CBLN2: variants seen among roughly 807,000 people sequenced by gnomAD.
CBLN2 encodes the protein cerebellin-2.
Under a neutral mutation model 15.0 loss-of-function variants are expected in CBLN2, and 7 were observed. That is an observed-to-expected ratio of 0.47 (90% CI 0.27 to 0.88). The LOEUF is 0.88. CBLN2 is among the 40% of genes least tolerant of loss of function. The pLI is 0.14. For synonymous variants in CBLN2, 149 were observed against 135.2 expected (o/e 1.10, Z -0.71); for missense variants, 242 against 304.5 (o/e 0.79, Z 1.53).
At chr18:72,592,327 G>A (rs2069485119) in intron 1 of CBLN2, among the ~76,000 whole-genome samples, 1 of 151,252 alleles carries the variant, frequency 6.6e-6, no homozygotes, top group South Asian at 2.1e-4. Flanking sequence ...CCAGATCTTT[G>A]GCCCATTTTT....
At chr18:72,619,535 C>T (rs558988046) in intron 1 of CBLN2, among the ~76,000 whole-genome samples, 13 of 152,172 alleles carry the variant, frequency 8.5e-5, no homozygotes, top group African/African-American at 2.2e-4. Flanking sequence ...AATCTGATCA[C>T]GATGCTGAAT....
intron 1 of CBLN2, among the ~76,000 whole-genome samples, chr18:72,635,001 T>A (rs888282029): frequency 5.3e-5 from 8 of 152,126 alleles, no homozygotes; most frequent in Non-Finnish European, 1.2e-4. Flanking sequence ...CCATGGCTTA[T>A]ATTTGTTAGT....
intron 1 of CBLN2, among the ~76,000 whole-genome samples, chr18:72,607,483 T>C (rs546738715): frequency 5.3e-5 from 8 of 152,350 alleles, no homozygotes; most frequent in Admixed American, 4.6e-4. Flanking sequence ...CTACCTTCTT[T>C]GTATTCAAGC....
intron 1 of CBLN2, among the ~76,000 whole-genome samples, chr18:72,594,091 A>G (rs1384780059): frequency 1.3e-5 from 2 of 152,158 alleles, no homozygotes; most frequent in African/African-American, 4.8e-5. Flanking sequence ...ATGAGAACAC[A>G]TGGACACATA....
Position 72,542,114 on chromosome 18 carries a change from G to A in CBLN2, c.47C>T (p.Pro16Leu). The A allele has an allele frequency of 7.0e-7, 1 of 1,437,608 alleles. No individual in the cohort carries two copies. The highest frequency in any genetic ancestry group is 9.0e-7 in the Non-Finnish European group (1 of 1,105,306). 89.1% of individuals were successfully genotyped at this position (1,437,608 alleles called of 1,614,324 possible). A position where few individuals can be genotyped will look rare whatever the true frequency, so the allele number is the denominator to read the frequency against. ...RGPLGLRLMM[P>L]GRRGALREPG... ...CTCGCGCAGCGCCCCCCGGCGCCCG[G>A]GCATCATCAGCCGCAGCCCGAGTGG... Residue 16 changes from proline (P) to leucine (L), a missense_variant, in exon 3 of 5, where the codon CCC (proline) becomes CTC (leucine). Pro to Leu is a moderately conservative substitution (Grantham distance 98, BLOSUM62 -3). Around this residue, in one of 4 missense-constraint regions of CBLN2, gnomAD observed 96 missense variants for 83.8 expected, o/e 1.15. Transcript: ENST00000269503.
intron 1 of CBLN2, among the ~76,000 whole-genome samples, chr18:72,615,185 T>A (rs1303674553): frequency 2.2e-5 from 3 of 133,374 alleles, no homozygotes; most frequent in South Asian, 2.2e-4. Context: ...ATTTATATAT[T>A]ATATATAAAT....
chr18:72,629,586 A>T (rs565322934), intron 1 of CBLN2, among the ~76,000 whole-genome samples: 2 of 152,300 alleles, frequency 1.3e-5, no homozygotes, highest in South Asian at 4.1e-4. Flanking sequence ...GAATAAATCT[A>T]ACTTTAATTT....
At chr18:72,557,839 C>A (rs1054642498) in intron 1 of CBLN2, among the ~76,000 whole-genome samples, 1 of 152,140 alleles carries the variant, frequency 6.6e-6, no homozygotes, top group African/African-American at 2.4e-5. Context: ...TTGATAGGTA[C>A]AACAAGCCAC....
At chr18:72,603,547 T>C (rs1260899594) in intron 1 of CBLN2, among the ~76,000 whole-genome samples, 1 of 152,248 alleles carries the variant, frequency 6.6e-6, no homozygotes, top group Non-Finnish European at 1.5e-5. Flanking sequence ...GTTTTTCTGC[T>C]CTTGCCTTGC....
intron 1 of CBLN2, among the ~76,000 whole-genome samples, chr18:72,592,649 C>T (rs1015691098): frequency 6.6e-6 from 1 of 152,034 alleles, no homozygotes; most frequent in African/African-American, 2.4e-5. Context: ...GTCTTTAATA[C>T]ATTTTGATTT....
chr18:72,554,824 T>A (rs2069214397), intron 1 of CBLN2, among the ~76,000 whole-genome samples: 1 of 152,102 alleles, frequency 6.6e-6, no homozygotes, highest in Non-Finnish European at 1.5e-5. Context: ...TCCCCCTTGC[T>A]GATATTGATT....
At chr18:72,542,424 C>G (rs962666605) in intron 2 of CBLN2, 98 bp from the exon 3 acceptor site, 2 of 215,248 alleles carry the variant, frequency 9.3e-6, no homozygotes, top group African/African-American at 2.3e-5. Context: ...GGGTTCTCCC[C>G]GAAGGCCACC....
At chr18:72,606,747 TC>T (rs2069586039) in intron 1 of CBLN2, among the ~76,000 whole-genome samples, 1 of 152,136 alleles carries the variant, frequency 6.6e-6, no homozygotes, top group South Asian at 2.1e-4. Context: ...GGACCTCCAT[TC>T]AAGGCCTCAG....
intron 1 of CBLN2, among the ~76,000 whole-genome samples, chr18:72,561,568 A>G (rs776556470): frequency 3.5e-4 from 53 of 152,220 alleles, no homozygotes; most frequent in Non-Finnish European, 5.7e-4. Flanking sequence ...TTTTAGATCT[A>G]TTAACAGTGC....
intron 1 of CBLN2, among the ~76,000 whole-genome samples, chr18:72,560,877 T>C (rs1473023298): frequency 6.6e-6 from 1 of 151,820 alleles, no homozygotes; most frequent in Non-Finnish European, 1.5e-5. Flanking sequence ...GGAGTGGTGG[T>C]GGGCGCCTGT....
At chr18:72,634,025 C>T (rs191925743) in intron 1 of CBLN2, among the ~76,000 whole-genome samples, 1 of 151,720 alleles carries the variant, frequency 6.6e-6, no homozygotes, top group Non-Finnish European at 1.5e-5. Context: ...TTGCAATATA[C>T]AAACTTCTCT....
intron 1 of CBLN2, among the ~76,000 whole-genome samples, chr18:72,570,138 G>A (rs916030463): frequency 1.3e-5 from 2 of 152,182 alleles, no homozygotes; most frequent in Non-Finnish European, 2.9e-5. Context: ...TATAGATTTT[G>A]TGAATGTATG....
In CBLN2 at chr18:72,576,652, T is replaced by C. The variant is rs1022245436; in HGVS notation, c.16-37880A>G. Among the ~76,000 whole-genome samples, 35 of 152,226 alleles carry C rather than the reference T, an allele frequency of 2.3e-4. 1 individual carries two copies. The highest frequency in any genetic ancestry group is 6.8e-3 in the Middle Eastern group (2 of 294). On this transcript the variant is annotated intron_variant, in intron 1 of 2. Coordinates refer to the CBLN2 transcript ENST00000581073. Reference sequence around the variant, plus strand: ...CCAGTCAGTTCAGTTCTAAAATCCTTTTATTTAGTATCTATTCTGTGCAAG... The same window carrying C: ...CCAGTCAGTTCAGTTCTAAAATCCTCTTATTTAGTATCTATTCTGTGCAAG...
intron 3 of CBLN2, chr18:72,540,444 C>T (rs374732111): frequency 6.6e-6 from 1 of 152,092 alleles, no homozygotes; most frequent in Non-Finnish European, 1.5e-5. Context: ...CATCACAGAG[C>T]TTTCTTGTTA....
Sources: gnomAD v4.1 joint callset for allele counts (sites outside exome capture counted in the v4.1 genomes callset) on GRCh38, gnomAD v4.1.1 for gene constraint, gnomAD v4.1.1 regional missense constraint, MANE v1.5 for transcripts, NCBI Gene and HGNC (gene_info 2026-07-23, HGNC 2026-07-21) for gene names.